Variants in KCTD16 observed in about 807,000 individuals in gnomAD.
KCTD16 encodes potassium channel tetramerization domain containing 16, also known as BTB/POZ domain-containing protein KCTD16.
KCTD16 carries 13 observed loss-of-function variants against 33.2 expected under a neutral mutation model. The observed-to-expected ratio is 0.39, with a 90% CI of 0.25 to 0.62. KCTD16 has a LOEUF of 0.62. Among genes scored for constraint, KCTD16 ranks in the 20% least tolerant of loss-of-function variants. The pLI is 0.50. For synonymous variants in KCTD16, 197 were observed against 195.3 expected (o/e 1.01, Z -0.07); for missense variants, 441 against 525.1 (o/e 0.84, Z 1.57).
At chr5:144,307,688 AC>A (rs1175108816) in intron 3 of KCTD16, among the ~76,000 whole-genome samples, 2 of 152,218 alleles carry the variant, frequency 1.3e-5, no homozygotes, top group Non-Finnish European at 2.9e-5. Context: ...GCCTCTAGGC[AC>A]TCAGTATATG....
At chr5:144,214,164 T>C (rs996294942) in intron 3 of KCTD16, among the ~76,000 whole-genome samples, 10 of 152,192 alleles carry the variant, frequency 6.6e-5, no homozygotes, top group African/African-American at 2.4e-4. Flanking sequence ...TGATTCTTTC[T>C]TCTCCCCACT....
chr5:144,382,292 C>T (rs73303963), intron 3 of KCTD16, among the ~76,000 whole-genome samples: 6,876 of 152,138 alleles, frequency 0.045, 299 homozygotes, highest in African/African-American at 0.11. Flanking sequence ...TTAGTCACTT[C>T]CTGGGTGACT....
chr5:144,390,298 A>AG (rs1297206289), intron 3 of KCTD16, among the ~76,000 whole-genome samples: 1 of 152,162 alleles, frequency 6.6e-6, no homozygotes, highest in African/African-American at 2.4e-5. Flanking sequence ...AAGTGTGCAC[A>AG]GGGGGCACCT....
At chr5:144,389,153 G>A (rs1388300569) in intron 3 of KCTD16, among the ~76,000 whole-genome samples, 1 of 152,134 alleles carries the variant, frequency 6.6e-6, no homozygotes, top group Non-Finnish European at 1.5e-5. Flanking sequence ...TGCTATGTGA[G>A]CAAGTCATTA....
At chr5:144,433,521 T>C (rs1753512783) in intron 3 of KCTD16, among the ~76,000 whole-genome samples, 1 of 152,184 alleles carries the variant, frequency 6.6e-6, no homozygotes, top group Non-Finnish European at 1.5e-5. Context: ...TTTTGAGATT[T>C]AGGCAAAATG....
intron 2 of KCTD16, among the ~76,000 whole-genome samples, chr5:144,199,855 C>T (rs10062491): frequency 0.05 from 7,615 of 151,674 alleles, 550 homozygotes; most frequent in African/African-American, 0.16. Context: ...GCTGGGACTA[C>T]AAGTGCGTAC....
At chr5:144,177,350 G>A (rs1390461171) in intron 2 of KCTD16, among the ~76,000 whole-genome samples, 1 of 152,184 alleles carries the variant, frequency 6.6e-6, no homozygotes, top group Non-Finnish European at 1.5e-5. Context: ...TGAAAAAATA[G>A]AATTCAGACT....
intron 3 of KCTD16, among the ~76,000 whole-genome samples, chr5:144,299,105 T>TC: frequency 1.2e-4 from 1 of 8,466 alleles, no homozygotes; most frequent in Non-Finnish European, 2.2e-4. Flanking sequence ...TGTATATATA[T>TC]ATATATATAT....
rs74670076 is a variant in KCTD16 at position 144,337,374 on chromosome 5, A to T, written c.832+129828A>T. 1.4e-3 allele frequency among the ~76,000 whole-genome samples: 213 copies of T among 152,298 alleles called. 3 individuals carry two copies. In the East Asian group the frequency reaches 0.037, roughly 26 times the overall value. ...AGGGGTGTGAACGTGCCAATTTCAC[A>T]AGAATTTTCTCAGTAGTAGGCTATG... On this transcript the variant is annotated intron_variant, in intron 3 of 3. Transcript: ENST00000512467.
At chr5:144,295,550 C>T (rs1282099122) in intron 3 of KCTD16, among the ~76,000 whole-genome samples, 1 of 152,106 alleles carries the variant, frequency 6.6e-6, no homozygotes, top group Non-Finnish European at 1.5e-5. Flanking sequence ...GTTTTCACAC[C>T]TCTGTACCTG....
Position 144,342,265 on chromosome 5 carries a change from T to C in KCTD16, c.833-131395T>C, listed in dbSNP as rs373765272. On this transcript the variant is annotated intron_variant, in intron 3 of 3. Transcript: ENST00000512467. ...TTTTATTTCATTGAACAGTGGTTTGTAGTTCTCCTTGAAGAGGTCCTTCAC... is the reference window on the plus strand; with the variant it reads ...TTTTATTTCATTGAACAGTGGTTTGCAGTTCTCCTTGAAGAGGTCCTTCAC... 3.3e-5 allele frequency among the ~76,000 whole-genome samples: 5 copies of C among 152,334 alleles called. No individual in the cohort carries two copies. In the East Asian group the frequency reaches 7.7e-4, roughly 24 times the overall value.
intron 3 of KCTD16, among the ~76,000 whole-genome samples, chr5:144,347,557 C>T (rs1251419323): frequency 2.0e-5 from 3 of 152,122 alleles, no homozygotes; most frequent in East Asian, 1.9e-4. Flanking sequence ...ATCGCACCAT[C>T]GCACTCTAGC....
At position 144,388,356 on chromosome 5, in the gene KCTD16, C is replaced by G. The variant is rs925198622; in HGVS notation, c.833-85304C>G. Among the ~76,000 whole-genome samples the G allele has an allele frequency of 9.9e-5, 15 of 152,190 alleles. No individual in the cohort carries two copies. In the East Asian group the frequency reaches 2.9e-3, roughly 29 times the overall value. On this transcript the variant is annotated intron_variant, in intron 3 of 3. Transcript: ENST00000512467. ...TCGGCCTCCCAAAGTGCTGGGATTA[C>G]AGGCGTGAGCCACCGCGCCCGGCCT... is the stretch of plus-strand genomic sequence containing the variant.
At chr5:144,320,666 A>T (rs911411773) in intron 3 of KCTD16, among the ~76,000 whole-genome samples, 2 of 152,082 alleles carry the variant, frequency 1.3e-5, no homozygotes, top group African/African-American at 4.8e-5. Flanking sequence ...CTCATTTGCT[A>T]CCTGTGATAG....
intron 3 of KCTD16, among the ~76,000 whole-genome samples, chr5:144,267,343 GTTAC>G (rs1315493729): frequency 6.6e-6 from 1 of 152,108 alleles, no homozygotes; most frequent in Non-Finnish European, 1.5e-5. Flanking sequence ...ACCTAGGGAG[GTTAC>G]TTTGAAGATT....
At chr5:144,378,404 C>G (rs1223693947) in intron 3 of KCTD16, among the ~76,000 whole-genome samples, 1 of 152,092 alleles carries the variant, frequency 6.6e-6, no homozygotes, top group African/African-American at 2.4e-5. Context: ...GGATTTGAAT[C>G]AATACTATTT....
chr5:144,337,411 T>G (rs1249310356), intron 3 of KCTD16, among the ~76,000 whole-genome samples: 1 of 152,198 alleles, frequency 6.6e-6, no homozygotes, highest in African/African-American at 2.4e-5. Flanking sequence ...TTTTAATGCA[T>G]GTTGTTTGTT....
intron 3 of KCTD16, among the ~76,000 whole-genome samples, chr5:144,388,517 CTTAT>C (rs958381391): frequency 5.9e-5 from 9 of 151,980 alleles, no homozygotes; most frequent in African/African-American, 1.9e-4. Context: ...TCAATTTAAG[CTTAT>C]TTGAGAGTTG....
chr5:144,175,785 A>ATT (rs1339611889), intron 2 of KCTD16, among the ~76,000 whole-genome samples: 1 of 152,236 alleles, frequency 6.6e-6, no homozygotes, highest in Non-Finnish European at 1.5e-5. Flanking sequence ...GTATTCAAGT[A>ATT]TAAGTGTCTA....
Sources: gnomAD v4.1 joint callset for allele counts (sites outside exome capture counted in the v4.1 genomes callset) on GRCh38, gnomAD v4.1.1 for gene constraint, MANE v1.5 for transcripts, NCBI Gene and HGNC (gene_info 2026-07-23, HGNC 2026-07-21) for gene names.